CRISPLD2: variants seen among roughly 807,000 people sequenced by gnomAD.
The protein encoded by CRISPLD2 is cysteine-rich secretory protein LCCL domain-containing 2.
CRISPLD2 carries 47 observed loss-of-function variants against 71.1 expected under a neutral mutation model. The ratio of observed to expected loss-of-function variants is 0.66; its 90% CI spans 0.52 to 0.84. CRISPLD2 has a LOEUF of 0.84. Among genes scored for constraint, CRISPLD2 ranks in the 40% least tolerant of loss-of-function variants. The pLI is 0.00. For synonymous variants in CRISPLD2, 317 were observed against 250.1 expected, an observed-to-expected ratio of 1.27 and a Z score of -2.52; for missense variants, 830 against 651.1, an observed-to-expected ratio of 1.27 and a Z score of -2.99.
intron 5 of CRISPLD2, among the ~76,000 whole-genome samples, chr16:84,852,753 G>T (rs894404612): frequency 1.2e-4 from 19 of 152,098 alleles, no homozygotes; most frequent in African/African-American, 4.3e-4. Context: ...GTGAGGGAAG[G>T]TACTTCACGG....
chr16:84,871,899 A>C (rs1472852342), intron 8 of CRISPLD2, among the ~76,000 whole-genome samples: 1 of 130,622 alleles, frequency 7.7e-6, no homozygotes, highest in Non-Finnish European at 1.6e-5. Context: ...AAAAAAAAAA[A>C]GACTATGGTT....
At chr16:84,836,996 C>T (rs1365583808) in intron 1 of CRISPLD2, among the ~76,000 whole-genome samples, 2 of 152,216 alleles carry the variant, frequency 1.3e-5, no homozygotes, top group East Asian at 1.9e-4. Context: ...TCCTCCATCT[C>T]CCCGACCTAA....
At chr16:84,840,864 G>C (rs189354999) in intron 2 of CRISPLD2, among the ~76,000 whole-genome samples, 41 of 152,238 alleles carry the variant, frequency 2.7e-4, no homozygotes, top group African/African-American at 9.6e-4. Context: ...TTGAATGTGT[G>C]GGTAGGAGGC....
intron 13 of CRISPLD2, among the ~76,000 whole-genome samples, chr16:84,888,036 G>A (rs902202239): frequency 6.6e-6 from 1 of 152,238 alleles, no homozygotes; most frequent in African/African-American, 2.4e-5. Context: ...CACCACAGAC[G>A]TGGTGGCTTA....
At chr16:84,868,989 C>A in intron 8 of CRISPLD2, 78 bp downstream of exon 8, 1 of 1,292,828 alleles carries the variant, frequency 7.7e-7, no homozygotes, top group Non-Finnish European at 1.1e-6. Context: ...GGCCTCTGGG[C>A]CTATGCTGGG....
rs1024369953 is a variant in CRISPLD2, at chr16:84,906,921, C to G, written c.*279C>G. On this transcript the variant is annotated 3_prime_UTR_variant, in exon 15 of 15. Transcript: ENST00000262424. Reference sequence around the variant, plus strand: ...TCTCTCCTTTAGAGATCTGAGCTGTCTCTTAAAGGGGACAGTTGCCCAAAA... The same window carrying G: ...TCTCTCCTTTAGAGATCTGAGCTGTGTCTTAAAGGGGACAGTTGCCCAAAA... 1 of 504,784 alleles carries G rather than the reference C, an allele frequency of 2.0e-6. No homozygotes were observed. The highest frequency in any genetic ancestry group is 3.6e-6 in the Non-Finnish European group (1 of 280,832). 31.3% of individuals were successfully genotyped at this position (504,784 alleles called of 1,614,324 possible).
At chr16:84,821,447 G>A (rs1416510937) in intron 1 of CRISPLD2, among the ~76,000 whole-genome samples, 3 of 152,150 alleles carry the variant, frequency 2.0e-5, no homozygotes, top group Non-Finnish European at 4.4e-5. Context: ...GCAACACCCC[G>A]GGGAGTAGGC....
chr16:84,853,807 C>T (rs1302909929), intron 5 of CRISPLD2, among the ~76,000 whole-genome samples: 15 of 152,254 alleles, frequency 9.9e-5, no homozygotes, highest in Non-Finnish European at 1.9e-4. Flanking sequence ...AGTCTCACAG[C>T]AGCCCTGCTG....
At chr16:84,906,338 A>G (rs761756663) in intron 14 of CRISPLD2, among the ~76,000 whole-genome samples, 6 of 152,152 alleles carry the variant, frequency 3.9e-5, no homozygotes, top group Non-Finnish European at 8.8e-5. Context: ...CCCTGAGTTA[A>G]AAGGAAATAA....
chr16:84,896,919 C>T (rs138168012), intron 14 of CRISPLD2, among the ~76,000 whole-genome samples: 1 of 152,242 alleles, frequency 6.6e-6, no homozygotes, highest in African/African-American at 2.4e-5. Context: ...AGGGCAGCTT[C>T]CCTGTCTGCC....
chr16:84,832,139 T>TA (rs1916504058), intron 1 of CRISPLD2, among the ~76,000 whole-genome samples: 2 of 152,274 alleles, frequency 1.3e-5, no homozygotes, highest in Non-Finnish European at 2.9e-5. Context: ...TCCAGCCTTC[T>TA]AAAATCCCTT....
intron 13 of CRISPLD2, among the ~76,000 whole-genome samples, chr16:84,886,153 G>A (rs1251120775): frequency 6.6e-6 from 1 of 152,118 alleles, no homozygotes; most frequent in African/African-American, 2.4e-5. Flanking sequence ...GCCTCCCAAA[G>A]TCCTGGGATT....
chr16:84,887,887 T>C (rs552007648), intron 13 of CRISPLD2, among the ~76,000 whole-genome samples: 14 of 152,152 alleles, frequency 9.2e-5, no homozygotes, highest in Middle Eastern at 3.4e-3. Context: ...AAAAAATAGA[T>C]AGATAAATAA....
At chr16:84,904,440 C>A (rs942741882) in intron 14 of CRISPLD2, among the ~76,000 whole-genome samples, 4 of 151,864 alleles carry the variant, frequency 2.6e-5, no homozygotes, top group African/African-American at 9.7e-5. Context: ...AAAAATTAGC[C>A]CCGCGTGGTG....
intron 2 of CRISPLD2, among the ~76,000 whole-genome samples, chr16:84,843,154 G>A (rs142065514): frequency 6.6e-6 from 1 of 152,162 alleles, no homozygotes; most frequent in African/African-American, 2.4e-5. Flanking sequence ...GGTCTAAAAG[G>A]CCGGCCTGCT....
At chr16:84,898,666 A>G (rs2071727595) in intron 14 of CRISPLD2, among the ~76,000 whole-genome samples, 1 of 152,130 alleles carries the variant, frequency 6.6e-6, no homozygotes, top group South Asian at 2.1e-4. Flanking sequence ...ACCCCACCCC[A>G]GACTGTAAAC....
At chr16:84,860,921 C>T (rs547338084) in intron 6 of CRISPLD2, among the ~76,000 whole-genome samples, 24 of 152,222 alleles carry the variant, frequency 1.6e-4, no homozygotes, top group East Asian at 9.7e-4. Context: ...CTTCTGAAGC[C>T]GGAAGTTAGA....
chr16:84,853,574 G>A (rs768804666), intron 5 of CRISPLD2, among the ~76,000 whole-genome samples: 18 of 152,200 alleles, frequency 1.2e-4, no homozygotes, highest in Non-Finnish European at 2.1e-4. Flanking sequence ...TTCTGGGGCC[G>A]CGGGAAGTTC....
At chr16:84,867,757 G>A (rs945050006) in intron 7 of CRISPLD2, among the ~76,000 whole-genome samples, 7 of 152,104 alleles carry the variant, frequency 4.6e-5, no homozygotes, top group Admixed American at 4.6e-4. Flanking sequence ...AGTAGAGAAA[G>A]GGAGATGTTT....
Sources: gnomAD v4.1 joint callset for allele counts (sites outside exome capture counted in the v4.1 genomes callset) on GRCh38, gnomAD v4.1.1 for gene constraint, MANE v1.5 for transcripts, NCBI Gene and HGNC (gene_info 2026-07-23, HGNC 2026-07-21) for gene names.